Variants in TERB1 observed in about 807,000 individuals in gnomAD.
TERB1 encodes telomere repeats-binding bouquet formation protein 1.
TERB1 carries 63 observed loss-of-function variants against 92.3 expected under a neutral mutation model. The observed-to-expected ratio is 0.68, with a 90% CI of 0.56 to 0.84. The LOEUF (loss-of-function observed/expected upper bound fraction) is 0.84, where lower values mean the gene tolerates loss of function less well. Among genes scored for constraint, TERB1 ranks in the 40% least tolerant of loss-of-function variants. TERB1 has a pLI of 0.00. For synonymous variants in TERB1, 252 were observed against 283.9 expected (o/e 0.89, Z 1.13); for missense variants, 709 against 843.7 (o/e 0.84, Z 1.98).
chr16:66,768,286 T>TCACGATCTAC, intron 14 of TERB1, 118 bp from the exon 15 acceptor site: 1 of 731,404 alleles, frequency 1.4e-6, no homozygotes. Context: ...CAACCTGGAA[T>TCACGATCTAC]CACGATCTAC....
intron 16 of TERB1, among the ~76,000 whole-genome samples, chr16:66,764,410 A>G (rs2018304292): frequency 6.6e-6 from 1 of 152,254 alleles, no homozygotes. Context: ...GATTCAGAGT[A>G]AATGCACAGT....
At chr16:66,784,183 A>G (rs926292777) in intron 9 of TERB1, among the ~76,000 whole-genome samples, 19 of 152,178 alleles carry the variant, frequency 1.2e-4, no homozygotes, top group Admixed American at 1.2e-3. Flanking sequence ...GATCACTTTT[A>G]TTGATTTTTT....
chr16:66,773,166 TA>T (rs34191234), intron 12 of TERB1, among the ~76,000 whole-genome samples: 336 of 129,108 alleles, frequency 2.6e-3, no homozygotes, highest in Middle Eastern at 7.8e-3. Context: ...CCACCTCTAC[TA>T]AAAAAAAAAA....
At chr16:66,762,608 T>C (rs919997796) in intron 16 of TERB1, among the ~76,000 whole-genome samples, 5 of 152,000 alleles carry the variant, frequency 3.3e-5, no homozygotes, top group Non-Finnish European at 5.9e-5. Flanking sequence ...GGTCTCAAAC[T>C]CCTGGGCTTA....
intron 9 of TERB1, among the ~76,000 whole-genome samples, chr16:66,784,715 T>C (rs1209348327): frequency 6.6e-6 from 1 of 151,788 alleles, no homozygotes; most frequent in Non-Finnish European, 1.5e-5. Context: ...AAACACTGTT[T>C]CGCAGCATCC....
intron 2 of TERB1, among the ~76,000 whole-genome samples, chr16:66,798,492 C>T (rs1312613775): frequency 6.6e-6 from 1 of 152,046 alleles, no homozygotes; most frequent in Admixed American, 6.6e-5. Context: ...CATTTTTTAA[C>T]CTAAATATTA....
At chr16:66,787,997 G>A (rs9931499) in intron 6 of TERB1, among the ~76,000 whole-genome samples, 172 bp downstream of exon 6, 3,469 of 152,248 alleles carry the variant, frequency 0.023, 133 homozygotes, top group African/African-American at 0.079. Flanking sequence ...GGTGGCAGAG[G>A]TTGCAGTAAG....
At chr16:66,798,458 A>G (rs1959211873) in intron 2 of TERB1, among the ~76,000 whole-genome samples, 1 of 152,228 alleles carries the variant, frequency 6.6e-6, no homozygotes, top group African/African-American at 2.4e-5. Flanking sequence ...CTGAGATTAG[A>G]GGCATGAGTC....
chr16:66,773,930 A>G (rs2018496455), intron 12 of TERB1, among the ~76,000 whole-genome samples: 1 of 151,936 alleles, frequency 6.6e-6, no homozygotes, highest in Non-Finnish European at 1.5e-5. Context: ...CCCAGGCTGC[A>G]GTGCAGTGGC....
intron 10 of TERB1, among the ~76,000 whole-genome samples, 151 bp from the exon 11 acceptor site, chr16:66,777,485 G>A (rs2018567905): frequency 6.6e-6 from 1 of 152,134 alleles, no homozygotes; most frequent in African/African-American, 2.4e-5. Flanking sequence ...ATAAATATGT[G>A]TATGTGTGAA....
chr16:66,773,006 T>G (rs1247075697), intron 12 of TERB1, among the ~76,000 whole-genome samples: 2 of 152,076 alleles, frequency 1.3e-5, no homozygotes, highest in Non-Finnish European at 2.9e-5. Context: ...ATAAACACCC[T>G]CAGGTACATG....
chr16:66,781,719 A>T (rs1481670689), intron 9 of TERB1, among the ~76,000 whole-genome samples: 1 of 151,824 alleles, frequency 6.6e-6, no homozygotes, highest in Non-Finnish European at 1.5e-5. Context: ...ACGGGGTTTC[A>T]CCGTGTTAGC....
At chr16:66,771,821 TAAA>T (rs1395129351) in intron 13 of TERB1, among the ~76,000 whole-genome samples, 2 of 152,220 alleles carry the variant, frequency 1.3e-5, no homozygotes, top group African/African-American at 4.8e-5. Context: ...ATTAAAATAA[TAAA>T]ATCACTATAT....
intron 6 of TERB1, 127 bp from the exon 7 acceptor site, chr16:66,786,412 TAGAATTA>T: frequency 1.5e-6 from 1 of 672,080 alleles, no homozygotes; most frequent in Non-Finnish European, 2.5e-6. Context: ...AAGTATAACA[TAGAATTA>T]CGGTGGATAA....
At chr16:66,755,682 C>A (rs1369332927) in intron 18 of TERB1, among the ~76,000 whole-genome samples, 1 of 151,920 alleles carries the variant, frequency 6.6e-6, no homozygotes, top group African/African-American at 2.4e-5. Flanking sequence ...GGCTGAGGCA[C>A]AAGAATTGCT....
intron 10 of TERB1, 61 bp downstream of exon 10, chr16:66,778,802 T>C (rs1406988953): frequency 6.9e-6 from 9 of 1,311,978 alleles, no homozygotes; most frequent in Non-Finnish European, 9.1e-6. Context: ...ATTTCAACAC[T>C]CTTCATGCTA....
Position 66,801,550 on chromosome 16 carries a change from C to T in TERB1, c.-192G>A, listed in dbSNP as rs1462429105. On this transcript the variant is annotated 5_prime_UTR_variant, in exon 1 of 19. Transcript: ENST00000433154. Reference sequence around the variant, plus strand: ...TCTACCCTCAAGCGGGAGCTTCCGCCCTTTCTTCATCACCGCTCACCTGCC... The same window carrying T: ...TCTACCCTCAAGCGGGAGCTTCCGCTCTTTCTTCATCACCGCTCACCTGCC... The T allele has an allele frequency of 3.3e-5, 5 of 152,220 alleles. No individual in the cohort carries two copies. Among genetic ancestry groups the T allele is most frequent in the South Asian group, 2.1e-4 (1 of 4,828 alleles). The allele number at this position is 152,220 out of a possible 1,614,324, so 9.4% of individuals were successfully genotyped here. A position where few individuals can be genotyped will look rare whatever the true frequency, so the allele number is the denominator to read the frequency against.
At chr16:66,765,815 T>C (rs966125029) in intron 16 of TERB1, among the ~76,000 whole-genome samples, 2 of 148,992 alleles carry the variant, frequency 1.3e-5, no homozygotes, top group Admixed American at 6.7e-5. Flanking sequence ...GGATGAATAA[T>C]TGAAAGGATA....
intron 12 of TERB1, among the ~76,000 whole-genome samples, chr16:66,774,833 T>A (rs2018517975): frequency 6.6e-6 from 1 of 152,036 alleles, no homozygotes; most frequent in Non-Finnish European, 1.5e-5. Flanking sequence ...CTGGCAGGCA[T>A]GTGCCACCAT....
Sources: allele counts gnomAD v4.1 joint callset (sites outside exome capture counted in the v4.1 genomes callset), GRCh38; gene constraint gnomAD v4.1.1; transcripts MANE v1.5; gene names NCBI Gene and HGNC (gene_info 2026-07-23, HGNC 2026-07-21).